Variants in KCNIP4 observed in about 807,000 individuals in gnomAD.
KCNIP4 encodes the protein Kv channel-interacting protein 4.
KCNIP4 carries 12 observed loss-of-function variants against 34.0 expected under a neutral mutation model. The ratio of observed to expected loss-of-function variants is 0.35; its 90% CI spans 0.23 to 0.57. KCNIP4 has a LOEUF of 0.57. Ranked by LOEUF, KCNIP4 falls within the 20% of genes least tolerant of loss-of-function variation. The pLI, the probability that KCNIP4 is intolerant of heterozygous loss-of-function variation, is 0.83. For synonymous variants in KCNIP4, 124 were observed against 102.2 expected, an observed-to-expected ratio of 1.21 and a Z score of -1.29; for missense variants, 238 against 311.7, an observed-to-expected ratio of 0.76 and a Z score of 1.78.
chr4:21,173,360 G>T (rs1018213498), intron 1 of KCNIP4, among the ~76,000 whole-genome samples: 1 of 152,108 alleles, frequency 6.6e-6, no homozygotes, highest in African/African-American at 2.4e-5. Context: ...TGCATATCAC[G>T]TGAGTAGTAA....
chr4:20,996,331 C>A (rs1737550918), intron 1 of KCNIP4, among the ~76,000 whole-genome samples: 1 of 152,208 alleles, frequency 6.6e-6, no homozygotes, highest in Admixed American at 6.5e-5. Flanking sequence ...TCCCTGCTTA[C>A]AGTCCCTCAA....
intron 1 of KCNIP4, among the ~76,000 whole-genome samples, chr4:21,349,221 A>G (rs1717762207): frequency 1.3e-5 from 2 of 152,310 alleles, no homozygotes; most frequent in Non-Finnish European, 2.9e-5. Flanking sequence ...TACAAAACAA[A>G]TACAGAGGAA....
chr4:21,213,349 T>A (rs1308565303), intron 1 of KCNIP4, among the ~76,000 whole-genome samples: 1 of 152,146 alleles, frequency 6.6e-6, no homozygotes, highest in Non-Finnish European at 1.5e-5. Context: ...TCACCCAGCC[T>A]GGAGTGCAGT....
intron 1 of KCNIP4, among the ~76,000 whole-genome samples, chr4:21,770,468 C>A (rs1425238358): frequency 6.6e-6 from 1 of 152,052 alleles, no homozygotes; most frequent in African/African-American, 2.4e-5. Context: ...TGAGTATATA[C>A]CCAGTAATGT....
intron 1 of KCNIP4, among the ~76,000 whole-genome samples, chr4:21,103,953 A>T (rs529744418): frequency 6.6e-6 from 1 of 151,994 alleles, no homozygotes; most frequent in Admixed American, 6.6e-5. Flanking sequence ...CATGGTGTAC[A>T]TGGGCCACAT....
At chr4:21,415,376 G>T (rs942877655) in intron 1 of KCNIP4, among the ~76,000 whole-genome samples, 1 of 151,916 alleles carries the variant, frequency 6.6e-6, no homozygotes, top group African/African-American at 2.4e-5. Flanking sequence ...GAGATCTGTT[G>T]TACAACATTG....
At chr4:21,105,249 C>G (rs1748404246) in intron 1 of KCNIP4, among the ~76,000 whole-genome samples, 1 of 151,598 alleles carries the variant, frequency 6.6e-6, no homozygotes, top group Non-Finnish European at 1.5e-5. Flanking sequence ...TCTTCCATTT[C>G]TTTGTATCCT....
intron 1 of KCNIP4, among the ~76,000 whole-genome samples, chr4:21,058,891 AATCTC>A (rs1743659058): frequency 6.6e-6 from 1 of 152,014 alleles, no homozygotes; most frequent in African/African-American, 2.4e-5. Context: ...TCCCCACCCA[AATCTC>A]ATCTTGAATT....
intron 1 of KCNIP4, among the ~76,000 whole-genome samples, chr4:21,927,861 G>C (rs959783466): frequency 1.3e-5 from 2 of 151,920 alleles, no homozygotes; most frequent in Non-Finnish European, 2.9e-5. Context: ...CTCAGTCCCT[G>C]TATTTGTGGA....
chr4:21,905,744 C>T (rs1727967283), intron 1 of KCNIP4, among the ~76,000 whole-genome samples: 1 of 152,178 alleles, frequency 6.6e-6, no homozygotes, highest in Admixed American at 6.5e-5. Flanking sequence ...TTCAAAAGTG[C>T]AGGTGTCACA....
intron 1 of KCNIP4, among the ~76,000 whole-genome samples, chr4:21,651,899 T>C (rs1241158429): frequency 1.3e-5 from 2 of 152,198 alleles, no homozygotes; most frequent in African/African-American, 4.8e-5. Context: ...GTAATACAGA[T>C]ATACATATAA....
At chr4:21,104,570 T>C (rs1183328371) in intron 1 of KCNIP4, among the ~76,000 whole-genome samples, 1 of 152,302 alleles carries the variant, frequency 6.6e-6, no homozygotes, top group Admixed American at 6.5e-5. Flanking sequence ...TGGTAGTTTC[T>C]TTTGCTGTGC....
At chr4:21,636,144 TG>T (rs1178739817) in intron 1 of KCNIP4, among the ~76,000 whole-genome samples, 3 of 32,894 alleles carry the variant, frequency 9.1e-5, no homozygotes, top group Admixed American at 4.5e-4. Context: ...TGTTGTGGGG[TG>T]GGGGGAGGGG....
intron 1 of KCNIP4, among the ~76,000 whole-genome samples, chr4:21,682,725 T>C (rs1042347557): frequency 3.3e-5 from 5 of 152,104 alleles, no homozygotes; most frequent in Middle Eastern, 3.2e-3. Context: ...ATTGAACTAA[T>C]TGTAATACTG....
chr4:21,895,948 C>A (rs1727360537), intron 1 of KCNIP4, among the ~76,000 whole-genome samples: 2 of 152,160 alleles, frequency 1.3e-5, no homozygotes. Context: ...GGTGCCTGAA[C>A]CATCCAGACA....
At chr4:21,456,186 T>C (rs1335713712) in intron 1 of KCNIP4, among the ~76,000 whole-genome samples, 3 of 147,322 alleles carry the variant, frequency 2.0e-5, no homozygotes, top group Non-Finnish European at 4.4e-5. Context: ...ACTCTGCCAG[T>C]TACAGGGACA....
Position 21,498,294 on chromosome 4 carries a change from T to C in KCNIP4, c.61+450277A>G, listed in dbSNP as rs1270412678. Among the ~76,000 whole-genome samples the C allele has an allele frequency of 3.3e-5, 5 of 152,262 alleles. No homozygotes were observed. In the East Asian group the frequency reaches 9.7e-4, roughly 29 times the overall value. ...CTTTTGGTTATTTAGAACTATGACATTCTTCTTGGCCAATAGTTACATCAG... is the reference window on the plus strand; with the variant it reads ...CTTTTGGTTATTTAGAACTATGACACTCTTCTTGGCCAATAGTTACATCAG... On this transcript the variant is annotated intron_variant, in intron 1 of 8. Coordinates refer to ENST00000382152, the MANE Select transcript of KCNIP4 (RefSeq NM_025221.6).
chr4:20,956,526 AC>A (rs1733326317), intron 1 of KCNIP4, among the ~76,000 whole-genome samples: 1 of 151,884 alleles, frequency 6.6e-6, no homozygotes, highest in African/African-American at 2.4e-5. Context: ...GTTTTCTCTT[AC>A]TTTATTATTA....
chr4:21,743,966 G>T (rs1241945190), intron 1 of KCNIP4, among the ~76,000 whole-genome samples: 1 of 151,868 alleles, frequency 6.6e-6, no homozygotes, highest in Admixed American at 6.6e-5. Flanking sequence ...ATCTGCTAAA[G>T]CTACAGCAGA....
Sources: allele counts gnomAD v4.1 joint callset (sites outside exome capture counted in the v4.1 genomes callset), GRCh38; gene constraint gnomAD v4.1.1; transcripts MANE v1.5; gene names NCBI Gene and HGNC (gene_info 2026-07-23, HGNC 2026-07-21).